The following RBFOX1 variants were observed in gnomAD, a reference collection of about 807,000 sequenced individuals.
The protein encoded by RBFOX1 is RNA binding fox-1 homolog 1.
Under a neutral mutation model 57.7 loss-of-function variants are expected in RBFOX1, and 8 were observed. The observed-to-expected ratio is 0.14, with a 90% CI of 0.08 to 0.25. The LOEUF (loss-of-function observed/expected upper bound fraction) is 0.25, where lower values mean the gene tolerates loss of function less well. RBFOX1 is among the 10% of genes least tolerant of loss of function. The pLI, the probability that RBFOX1 is intolerant of heterozygous loss-of-function variation, is 1.00. For synonymous variants in RBFOX1, 326 were observed against 222.4 expected (o/e 1.47, Z -4.15); for missense variants, 611 against 548.5 (o/e 1.11, Z -1.14).
At chr16:6,865,463 C>T (rs1255454625) in intron 3 of RBFOX1, among the ~76,000 whole-genome samples, 2 of 152,218 alleles carry the variant, frequency 1.3e-5, no homozygotes, top group East Asian at 3.9e-4. Flanking sequence ...TTTCTAGCCC[C>T]ACACACCCAG....
intron 2 of RBFOX1, among the ~76,000 whole-genome samples, chr16:6,403,022 T>A (rs2093137775): frequency 6.6e-6 from 1 of 152,328 alleles, no homozygotes; most frequent in Non-Finnish European, 1.5e-5. Flanking sequence ...TGTTGATGTA[T>A]TTGTTTAATT....
At chr16:5,328,168 C>G (rs149852509) in intron 1 of RBFOX1, among the ~76,000 whole-genome samples, 48 of 152,258 alleles carry the variant, frequency 3.2e-4, no homozygotes, top group Middle Eastern at 3.4e-3. Flanking sequence ...GAAGCCCTAA[C>G]TACCAGTACC....
At chr16:6,579,611 C>A (rs916062520) in intron 2 of RBFOX1, among the ~76,000 whole-genome samples, 1 of 152,184 alleles carries the variant, frequency 6.6e-6, no homozygotes, top group African/African-American at 2.4e-5. Context: ...TTTGCTTCCC[C>A]TTCCGCCACG....
chr16:6,842,662 TTTTAA>T (rs1294448015), intron 3 of RBFOX1, among the ~76,000 whole-genome samples: 17 of 151,850 alleles, frequency 1.1e-4, no homozygotes, highest in African/African-American at 3.9e-4. Context: ...CTTTTTTTTT[TTTTAA>T]TTTTACTTCA....
At chr16:5,545,527 G>A (rs551716123) in intron 2 of RBFOX1, among the ~76,000 whole-genome samples, 2 of 152,096 alleles carry the variant, frequency 1.3e-5, no homozygotes, top group African/African-American at 4.8e-5. Flanking sequence ...GGTCAAGGGT[G>A]GTTTATGCTA....
At chr16:5,767,817 A>T (rs2053840411) in intron 3 of RBFOX1, among the ~76,000 whole-genome samples, 1 of 151,982 alleles carries the variant, frequency 6.6e-6, no homozygotes, top group Non-Finnish European at 1.5e-5. Flanking sequence ...GGGGCTCTCG[A>T]CTTTGGCCAC....
intron 3 of RBFOX1, among the ~76,000 whole-genome samples, chr16:7,023,303 AC>A (rs1310598173): frequency 1.3e-5 from 2 of 151,902 alleles, no homozygotes; most frequent in Admixed American, 6.6e-5. Flanking sequence ...TACTAAAAAT[AC>A]AAAAAGTTAG....
At chr16:7,551,865 G>C (rs1032092749) in intron 5 of RBFOX1, among the ~76,000 whole-genome samples, 1 of 152,050 alleles carries the variant, frequency 6.6e-6, no homozygotes, top group Non-Finnish European at 1.5e-5. Flanking sequence ...GGCCAAGATA[G>C]GTTTCATAAA....
intron 1 of RBFOX1, among the ~76,000 whole-genome samples, chr16:6,291,518 G>T (rs1195834067): frequency 6.6e-6 from 1 of 152,172 alleles, no homozygotes; most frequent in Admixed American, 6.5e-5. Flanking sequence ...AGTCAAGCTG[G>T]GAACTGGTTC....
At chr16:7,170,419 A>G (rs1295765139) in intron 4 of RBFOX1, among the ~76,000 whole-genome samples, 1 of 151,984 alleles carries the variant, frequency 6.6e-6, no homozygotes, top group Non-Finnish European at 1.5e-5. Flanking sequence ...CTACAGGCAC[A>G]GGTCACCACA....
At chr16:6,442,455 G>A (rs2094403515) in intron 2 of RBFOX1, among the ~76,000 whole-genome samples, 1 of 152,082 alleles carries the variant, frequency 6.6e-6, no homozygotes, top group African/African-American at 2.4e-5. Context: ...TACTCAGGAG[G>A]CTGAGGCAGG....
At chr16:6,247,295 G>T (rs1474240353) in intron 1 of RBFOX1, among the ~76,000 whole-genome samples, 2 of 152,150 alleles carry the variant, frequency 1.3e-5, no homozygotes, top group Non-Finnish European at 2.9e-5. Flanking sequence ...GAGCAACCCA[G>T]GACAGTGGAC....
At chr16:6,864,806 C>T (rs919286995) in intron 3 of RBFOX1, among the ~76,000 whole-genome samples, 1 of 151,888 alleles carries the variant, frequency 6.6e-6, no homozygotes, top group Non-Finnish European at 1.5e-5. Flanking sequence ...TAAGGAGAGA[C>T]ATATGCTACT....
At position 6,877,170 on chromosome 16, in the gene RBFOX1, T is replaced by C. The variant is rs536217096; in HGVS notation, c.-15-174887T>C. ...AAAAGCAGACGAATGAAAAAAGATA[T>C]CTTATTTCTGCAGCCGTTACATTTA... On this transcript the variant is annotated intron_variant, in intron 3 of 15. Coordinates refer to ENST00000550418, the MANE Select transcript of RBFOX1 (RefSeq NM_018723.4). Among the ~76,000 whole-genome samples, 15 of 152,308 alleles carry C rather than the reference T, an allele frequency of 9.8e-5. 1 individual carries two copies. In the South Asian group the frequency reaches 2.1e-3, roughly 21 times the overall value.
At chr16:7,472,485 G>C (rs534696553) in intron 4 of RBFOX1, among the ~76,000 whole-genome samples, 6 of 152,170 alleles carry the variant, frequency 3.9e-5, no homozygotes, top group Non-Finnish European at 7.4e-5. Context: ...AACTTGCAAA[G>C]AAAAGATTAA....
At chr16:5,689,946 G>C (rs930374516) in intron 3 of RBFOX1, among the ~76,000 whole-genome samples, 2 of 152,192 alleles carry the variant, frequency 1.3e-5, no homozygotes, top group African/African-American at 4.8e-5. Flanking sequence ...TGGAGACGTA[G>C]AGCATGGCCA....
intron 3 of RBFOX1, among the ~76,000 whole-genome samples, chr16:5,689,616 A>G (rs1453965167): frequency 6.6e-6 from 1 of 152,178 alleles, no homozygotes; most frequent in Admixed American, 6.5e-5. Context: ...CTGGAGACCT[A>G]TCAGGACAAA....
At chr16:5,921,260 G>A (rs1022851928) in intron 4 of RBFOX1, among the ~76,000 whole-genome samples, 1 of 152,184 alleles carries the variant, frequency 6.6e-6, no homozygotes, top group African/African-American at 2.4e-5. Flanking sequence ...CATGTGACCA[G>A]GATCTTTCCC....
intron 10 of RBFOX1, among the ~76,000 whole-genome samples, chr16:7,608,210 C>T (rs1373020094): frequency 2.6e-5 from 4 of 152,296 alleles, no homozygotes; most frequent in South Asian, 2.1e-4. Context: ...AACCTCTTGA[C>T]GGTAAGTCAT....
Sources: gnomAD v4.1 joint callset for allele counts (sites outside exome capture counted in the v4.1 genomes callset) on GRCh38, gnomAD v4.1.1 for gene constraint, MANE v1.5 for transcripts, NCBI Gene and HGNC (gene_info 2026-07-23, HGNC 2026-07-21) for gene names.